Variants in MSI2 observed in about 807,000 individuals in gnomAD.
MSI2 encodes RNA-binding protein Musashi homolog 2.
In MSI2, 17 loss-of-function variants were observed where a neutral mutation model predicts 45.6. That is an observed-to-expected ratio of 0.37 (90% CI 0.26 to 0.56). MSI2 has a LOEUF of 0.56. Among genes scored for constraint, MSI2 ranks in the 20% least tolerant of loss-of-function variants. The probability of loss-of-function intolerance (pLI) is 0.77; values close to 1 mark genes in which losing one functional copy is unlikely to be tolerated. For synonymous variants in MSI2, 156 were observed against 158.2 expected, an observed-to-expected ratio of 0.99 and a Z score of 0.11; for missense variants, 293 against 444.2, an observed-to-expected ratio of 0.66 and a Z score of 3.06.
intron 8 of MSI2, among the ~76,000 whole-genome samples, chr17:57,609,345 C>T (rs1906996488): frequency 6.6e-6 from 1 of 152,186 alleles, no homozygotes; most frequent in Non-Finnish European, 1.5e-5. Context: ...CCCTCTGCTC[C>T]CCTCCCCTTT....
chr17:57,535,309 C>A (rs1236316265), intron 7 of MSI2, among the ~76,000 whole-genome samples: 1 of 152,180 alleles, frequency 6.6e-6, no homozygotes, highest in East Asian at 1.9e-4. Flanking sequence ...GTTCCTGAGC[C>A]CTGCACAGCT....
intron 6 of MSI2, among the ~76,000 whole-genome samples, chr17:57,421,162 G>A (rs1598248803): frequency 6.6e-6 from 1 of 151,988 alleles, no homozygotes; most frequent in African/African-American, 2.4e-5. Context: ...TATGATGTCG[G>A]TGGAGCTGCA....
rs185234940 is a variant in MSI2 at position 57,337,363 on chromosome 17, C to T, written c.313-64016C>T. ...ACCCCTTTGGGGTCATTACATTTTACTTCCACTGTCTGATGGCATTGGTGT... is the reference window on the plus strand; with the variant it reads ...ACCCCTTTGGGGTCATTACATTTTATTTCCACTGTCTGATGGCATTGGTGT... On this transcript the variant is annotated intron_variant, in intron 5 of 13. Coordinates refer to ENST00000284073, the MANE Select transcript of MSI2 (RefSeq NM_138962.4). Among the ~76,000 whole-genome samples the T allele has an allele frequency of 3.2e-3, 486 of 152,330 alleles. 3 individuals are homozygous for T. Among genetic ancestry groups the T allele is most frequent in the African/African-American group, 0.011 (471 of 41,582 alleles).
chr17:57,446,372 C>T (rs754468842), intron 6 of MSI2, among the ~76,000 whole-genome samples: 8 of 152,274 alleles, frequency 5.3e-5, no homozygotes, highest in African/African-American at 1.9e-4. Context: ...GATCATGGGG[C>T]TCTGCCAGGG....
chr17:57,365,632 G>A (rs529127345), intron 5 of MSI2, among the ~76,000 whole-genome samples: 60 of 152,254 alleles, frequency 3.9e-4, no homozygotes, highest in African/African-American at 1.3e-3. Context: ...AGCCTTCTTG[G>A]CAGAGGGGAT....
At chr17:57,670,130 A>G (rs931369687) in intron 11 of MSI2, among the ~76,000 whole-genome samples, 1 of 152,228 alleles carries the variant, frequency 6.6e-6, no homozygotes, top group African/African-American at 2.4e-5. Context: ...TTCAATTTTC[A>G]GGCCTTAGAG....
At chr17:57,654,258 A>G (rs1484040559) in intron 11 of MSI2, among the ~76,000 whole-genome samples, 1 of 152,222 alleles carries the variant, frequency 6.6e-6, no homozygotes, top group African/African-American at 2.4e-5. Flanking sequence ...TGTATCCACC[A>G]TAGTGAGAGC....
intron 7 of MSI2, among the ~76,000 whole-genome samples, chr17:57,530,268 T>A (rs1483527688): frequency 6.6e-6 from 1 of 152,158 alleles, no homozygotes; most frequent in Admixed American, 6.5e-5. Flanking sequence ...TTCTGTCCCA[T>A]CCACTTTACA....
intron 6 of MSI2, among the ~76,000 whole-genome samples, chr17:57,416,601 T>C (rs2084298942): frequency 6.6e-6 from 1 of 152,230 alleles, no homozygotes; most frequent in Non-Finnish European, 1.5e-5. Flanking sequence ...GCCCATATTT[T>C]ACAATGCACC....
At position 57,484,234 on chromosome 17, in the gene MSI2, G is replaced by A. The variant is rs115774972; in HGVS notation, c.406-45442G>A. On this transcript the variant is annotated intron_variant, in intron 6 of 13. Transcript: ENST00000284073. ...TTCCCTGCTCCTCAGGCAGATGCCC[G>A]TAGGACTTCATTCCCTGCATCTTCT... 7.3e-3 allele frequency among the ~76,000 whole-genome samples: 1,109 copies of A among 152,088 alleles called. 7 individuals carry two copies. The highest frequency in any genetic ancestry group is 0.024 in the African/African-American group (1,012 of 41,486).
rs1363113633 is a variant in MSI2 at position 57,411,997 on chromosome 17, A to G, written c.405+10526A>G. Among the ~76,000 whole-genome samples, 6 of 151,546 alleles carry G rather than the reference A, an allele frequency of 4.0e-5. No homozygotes were observed. The East Asian group carries it at 1.2e-3, about 30-fold the overall frequency. On this transcript the variant is annotated intron_variant, in intron 6 of 13. Coordinates refer to ENST00000284073, the MANE Select transcript of MSI2 (RefSeq NM_138962.4). ...ACTCCAGCCTGGGCGACAAACCAAG[A>G]CTCCGTCTGGGGGCGGGGCCGGGGG...
At chr17:57,432,481 G>A (rs554674892) in intron 6 of MSI2, 1 of 152,504 alleles carries the variant, frequency 6.6e-6, no homozygotes, top group African/African-American at 2.4e-5. Context: ...TGCCCTCTCT[G>A]GAATCAGGCA....
intron 6 of MSI2, among the ~76,000 whole-genome samples, chr17:57,464,869 C>T (rs979906808): frequency 7.2e-5 from 11 of 152,200 alleles, no homozygotes; most frequent in African/African-American, 2.4e-4. Context: ...CCGTCTCCAT[C>T]GTCAGATATG....
At chr17:57,279,702 T>G (rs1470476887) in intron 5 of MSI2, 3 of 152,242 alleles carry the variant, frequency 2.0e-5, no homozygotes, top group African/African-American at 7.2e-5. Context: ...TGGAGTGCAG[T>G]GGCACAATCA....
At chr17:57,464,013 G>A (rs910280471) in intron 6 of MSI2, among the ~76,000 whole-genome samples, 74 of 128,420 alleles carry the variant, frequency 5.8e-4, no homozygotes, top group South Asian at 1.7e-3. Context: ...GTGTGTGTGT[G>A]TGTGTGTATG....
Position 57,627,111 on chromosome 17 carries a change from A to G in MSI2, c.653-118A>G, listed in dbSNP as rs1908881283. On this transcript the variant is annotated intron_variant, in intron 9 of 13. Transcript: ENST00000284073. The surrounding 1 kb of genome is among the most constrained non-coding windows in gnomAD (Gnocchi z 4.6). ...AATAAAAAAACCCTCATGAGAGACA[A>G]ATTATTCTGTGAAGGAAAATAACTC... The G allele has an allele frequency of 3.1e-6, 3 of 972,394 alleles. No homozygotes were observed. Among genetic ancestry groups the G allele is most frequent in the Non-Finnish European group, 4.9e-6 (3 of 609,598 alleles). The allele number at this position is 972,394 out of a possible 1,614,324, so 60.2% of individuals were successfully genotyped here.
chr17:57,687,514 A>T (rs1349937182), downstream of MSI2, among the ~76,000 whole-genome samples: 3 of 152,036 alleles, frequency 2.0e-5, no homozygotes, highest in Non-Finnish European at 2.9e-5. Flanking sequence ...GGAATCAGAA[A>T]ATTTCTTAGC....
chr17:57,402,602 C>T (rs544193403), intron 6 of MSI2, among the ~76,000 whole-genome samples: 35 of 152,284 alleles, frequency 2.3e-4, no homozygotes, highest in Non-Finnish European at 2.9e-4. Flanking sequence ...CAGCTATGAC[C>T]CTGTCCCCAG....
At chr17:57,513,937 G>A (rs1598352517) in intron 6 of MSI2, among the ~76,000 whole-genome samples, 1 of 152,180 alleles carries the variant, frequency 6.6e-6, no homozygotes, top group Non-Finnish European at 1.5e-5. Flanking sequence ...AATGAATTAG[G>A]CAAAAATCTT....
Sources: allele counts gnomAD v4.1 joint callset (sites outside exome capture counted in the v4.1 genomes callset), GRCh38; gene constraint gnomAD v4.1.1; non-coding constraint Gnocchi (gnomAD v3.1); transcripts MANE v1.5; gene names NCBI Gene and HGNC (gene_info 2026-07-23, HGNC 2026-07-21).